The following TNR variants were observed in gnomAD, a reference collection of about 807,000 sequenced individuals.
TNR encodes the protein tenascin-R.
In TNR, 45 loss-of-function variants were observed where a neutral mutation model predicts 150.4. The observed-to-expected ratio is 0.30, with a 90% confidence interval of 0.24 to 0.38. The LOEUF (loss-of-function observed/expected upper bound fraction) is 0.38, where lower values mean the gene tolerates loss of function less well. Among genes scored for constraint, TNR ranks in the 10% least tolerant of loss-of-function variants. The pLI is 1.00. For missense variants in TNR, 1,544 were observed against 1,759.1 expected (o/e 0.88, Z 2.19); for synonymous variants, 687 against 678.4 (o/e 1.01, Z -0.20).
chr1:175,413,346 T>C (rs868379287), intron 2 of TNR, among the ~76,000 whole-genome samples: 1 of 152,242 alleles, frequency 6.6e-6, no homozygotes, highest in African/African-American at 2.4e-5. Context: ...TTTTTAGTGA[T>C]GCTGTCGGGC....
intron 2 of TNR, among the ~76,000 whole-genome samples, chr1:175,451,269 G>A (rs1042065431): frequency 1.1e-4 from 17 of 150,668 alleles, no homozygotes; most frequent in Admixed American, 2.0e-4. Context: ...CGTGCACAAC[G>A]TGCAGGTTTG....
chr1:175,462,019 T>A (rs571250424), intron 2 of TNR, among the ~76,000 whole-genome samples: 3 of 152,354 alleles, frequency 2.0e-5, no homozygotes, highest in Non-Finnish European at 4.4e-5. Context: ...AATATGCCTA[T>A]AATGTAGAGT....
intron 18 of TNR, among the ~76,000 whole-genome samples, chr1:175,341,905 A>C (rs1156528588): frequency 6.6e-6 from 1 of 152,236 alleles, no homozygotes; most frequent in Non-Finnish European, 1.5e-5. Flanking sequence ...GCACATCTGC[A>C]GAGTAGCTGG....
At chr1:175,402,256 G>A (rs1037928260) in intron 4 of TNR, among the ~76,000 whole-genome samples, 1 of 130,436 alleles carries the variant, frequency 7.7e-6, no homozygotes, top group Non-Finnish European at 1.6e-5. Flanking sequence ...GCAGTGAGCC[G>A]AGATTGCGCC....
chr1:175,721,178 C>T (rs935558716), intron 1 of TNR, among the ~76,000 whole-genome samples: 2 of 152,216 alleles, frequency 1.3e-5, no homozygotes, highest in African/African-American at 4.8e-5. Context: ...TAACTGCCCT[C>T]ACTAAAGCAG....
At chr1:175,684,319 C>T (rs1323013295) in intron 1 of TNR, among the ~76,000 whole-genome samples, 1 of 152,188 alleles carries the variant, frequency 6.6e-6, no homozygotes, top group Non-Finnish European at 1.5e-5. Context: ...AGAGCCTACC[C>T]TCCTACCCTC....
chr1:175,700,441 C>T (rs888865559), intron 1 of TNR, among the ~76,000 whole-genome samples: 3 of 152,214 alleles, frequency 2.0e-5, no homozygotes, highest in African/African-American at 7.2e-5. Context: ...TAGCCCTTTG[C>T]TAAGATCTGG....
At chr1:175,446,681 A>C (rs1656059491) in intron 2 of TNR, among the ~76,000 whole-genome samples, 1 of 152,158 alleles carries the variant, frequency 6.6e-6, no homozygotes, top group Admixed American at 6.5e-5. Flanking sequence ...TATTTGTATA[A>C]TTTTAAAAAA....
At chr1:175,528,142 G>A (rs536132323) in intron 2 of TNR, 127 bp downstream of exon 2, 2 of 152,344 alleles carry the variant, frequency 1.3e-5, no homozygotes, top group South Asian at 4.1e-4. Flanking sequence ...CTCATTTCAA[G>A]GAGACTAGCC....
In TNR at chr1:175,459,097, C is replaced by T. The variant is rs531209832; in HGVS notation, c.-63-52320G>A. 3.3e-5 allele frequency among the ~76,000 whole-genome samples: 5 copies of T among 151,988 alleles called. No homozygotes were observed. The South Asian group carries it at 1.0e-3, about 32-fold the overall frequency. On this transcript the variant is annotated intron_variant, in intron 2 of 22. Coordinates refer to ENST00000367674, the MANE Select transcript of TNR (RefSeq NM_003285.3). ...TCACCTCTACTATCATTACTAATAC[C>T]ACCAATATTATTACCATCACCATCC...
At chr1:175,681,808 G>C (rs759544617) in intron 1 of TNR, among the ~76,000 whole-genome samples, 1 of 152,174 alleles carries the variant, frequency 6.6e-6, no homozygotes, top group Non-Finnish European at 1.5e-5. Flanking sequence ...AGGGTAGAAG[G>C]AGAAAGGTGG....
intron 1 of TNR, among the ~76,000 whole-genome samples, chr1:175,563,211 T>C (rs1388395755): frequency 1.3e-5 from 2 of 152,180 alleles, no homozygotes; most frequent in African/African-American, 4.8e-5. Flanking sequence ...GAATTTGCCC[T>C]CTTTTAGATT....
intron 1 of TNR, among the ~76,000 whole-genome samples, chr1:175,717,835 T>C (rs952077657): frequency 1.3e-5 from 2 of 152,200 alleles, no homozygotes; most frequent in African/African-American, 4.8e-5. Context: ...GGTGTCCTCA[T>C]GGGTGAGCGC....
intron 1 of TNR, among the ~76,000 whole-genome samples, chr1:175,574,634 G>A (rs1662029827): frequency 6.6e-6 from 1 of 152,170 alleles, no homozygotes; most frequent in South Asian, 2.1e-4. Context: ...TTCAAAAAGT[G>A]TCTGCTTACC....
chr1:175,517,876 T>C (rs1293432842), intron 2 of TNR, among the ~76,000 whole-genome samples: 1 of 152,140 alleles, frequency 6.6e-6, no homozygotes, highest in African/African-American at 2.4e-5. Flanking sequence ...TGTGCATGTT[T>C]CCAGGCTGCT....
chr1:175,393,118 G>A (rs1428539811), intron 6 of TNR, among the ~76,000 whole-genome samples: 2 of 152,212 alleles, frequency 1.3e-5, no homozygotes, highest in Admixed American at 6.5e-5. Flanking sequence ...TGGAAATTTA[G>A]AGCCAGGCAT....
At chr1:175,482,479 A>T (rs186548215) in intron 2 of TNR, among the ~76,000 whole-genome samples, 17 of 152,346 alleles carry the variant, frequency 1.1e-4, no homozygotes, top group African/African-American at 3.8e-4. Context: ...ATCTTATTAA[A>T]TTTAAAAAGA....
At chr1:175,349,344 C>T (rs1246805045) in intron 18 of TNR, among the ~76,000 whole-genome samples, 4 of 152,132 alleles carry the variant, frequency 2.6e-5, no homozygotes, top group Non-Finnish European at 5.9e-5. Context: ...ATCTGATGTC[C>T]ATTTTTGGGA....
intron 1 of TNR, among the ~76,000 whole-genome samples, chr1:175,667,896 A>C (rs1269231583): frequency 6.6e-6 from 1 of 152,236 alleles, no homozygotes; most frequent in Non-Finnish European, 1.5e-5. Flanking sequence ...AGCACTAGTC[A>C]GCAGGTCAGC....
Sources: gnomAD v4.1 joint callset for allele counts (sites outside exome capture counted in the v4.1 genomes callset) on GRCh38, gnomAD v4.1.1 for gene constraint, MANE v1.5 for transcripts, NCBI Gene and HGNC (gene_info 2026-07-23, HGNC 2026-07-21) for gene names.